Variants in CSMD1 observed in about 807,000 individuals in gnomAD.
CSMD1 encodes CUB and Sushi multiple domains 1, also known as CUB and sushi domain-containing protein 1.
In CSMD1, 213 loss-of-function variants were observed where a neutral mutation model predicts 417.5. The ratio of observed to expected loss-of-function variants is 0.51; its 90% CI spans 0.46 to 0.57. CSMD1 has a LOEUF of 0.57. CSMD1 is among the 20% of genes least tolerant of loss of function. The pLI, the probability that CSMD1 is intolerant of heterozygous loss-of-function variation, is 0.00. For missense variants in CSMD1, 6,923 were observed against 4,529.7 expected (o/e 1.53, Z -15.17); for synonymous variants, 2,862 against 1,736.8 (o/e 1.65, Z -16.11).
chr8:4,948,638 T>C (rs61266186), intron 1 of CSMD1, among the ~76,000 whole-genome samples: 10,573 of 152,158 alleles, frequency 0.069, 567 homozygotes, highest in East Asian at 0.23. Flanking sequence ...CACTGAAATA[T>C]AGTATTATAA....
intron 3 of CSMD1, among the ~76,000 whole-genome samples, chr8:4,183,841 C>A (rs935731300): frequency 6.6e-6 from 1 of 152,118 alleles, no homozygotes; most frequent in East Asian, 1.9e-4. Context: ...CCTGGATTGC[C>A]CACCTACCAC....
At chr8:3,387,261 T>A (rs1371108407) in intron 18 of CSMD1, among the ~76,000 whole-genome samples, 1 of 152,182 alleles carries the variant, frequency 6.6e-6, no homozygotes, top group Non-Finnish European at 1.5e-5. Flanking sequence ...CTCCCTAAGT[T>A]TGTTCATTCG....
intron 7 of CSMD1, among the ~76,000 whole-genome samples, chr8:3,633,048 G>C (rs927814295): frequency 1.3e-5 from 2 of 152,194 alleles, no homozygotes; most frequent in Admixed American, 6.5e-5. Context: ...TTTAGTGTTA[G>C]AGTCTGCCCT....
intron 7 of CSMD1, among the ~76,000 whole-genome samples, chr8:3,665,098 A>T (rs975856210): frequency 3.9e-5 from 6 of 152,232 alleles, no homozygotes; most frequent in African/African-American, 1.4e-4. Flanking sequence ...AGAGGTTAAC[A>T]ATGCTTATAA....
intron 30 of CSMD1, among the ~76,000 whole-genome samples, chr8:3,206,582 T>C (rs1369680140): frequency 8.1e-6 from 1 of 123,666 alleles, no homozygotes; most frequent in Non-Finnish European, 1.8e-5. Context: ...TGTGTGTGTA[T>C]GTGTGGGGGG....
At chr8:4,322,300 A>T (rs7017259) in intron 3 of CSMD1, among the ~76,000 whole-genome samples, 1,616 of 151,618 alleles carry the variant, frequency 0.011, 23 homozygotes, top group African/African-American at 0.037. Flanking sequence ...ATTTCATGTT[A>T]TCTGCATATT....
intron 26 of CSMD1, among the ~76,000 whole-genome samples, chr8:3,279,463 A>G (rs191444281): frequency 6.6e-6 from 1 of 152,310 alleles, no homozygotes; most frequent in East Asian, 1.9e-4. Context: ...CAGGCATTTC[A>G]TATGCTTGCC....
At chr8:3,047,552 G>A (rs1013286716) in intron 50 of CSMD1, among the ~76,000 whole-genome samples, 5 of 152,162 alleles carry the variant, frequency 3.3e-5, no homozygotes, top group Admixed American at 1.3e-4. Context: ...TCTCTGCCTC[G>A]CTGTGCCCAT....
At chr8:3,321,688 CAATGTG>C (rs936867444) in intron 23 of CSMD1, among the ~76,000 whole-genome samples, 6 of 150,974 alleles carry the variant, frequency 4.0e-5, no homozygotes. Context: ...TAATTCTAGA[CAATGTG>C]TCTGTAAGTG....
intron 18 of CSMD1, among the ~76,000 whole-genome samples, chr8:3,385,055 A>T (rs1444663570): frequency 9.5e-6 from 1 of 104,776 alleles, no homozygotes; most frequent in East Asian, 4.3e-4. Context: ...TAAATATATA[A>T]TATATAATAT....
intron 3 of CSMD1, among the ~76,000 whole-genome samples, chr8:4,110,544 AATTTTT>A (rs1463617887): frequency 6.6e-6 from 1 of 152,122 alleles, no homozygotes; most frequent in Non-Finnish European, 1.5e-5. Flanking sequence ...ATTTGTATTT[AATTTTT>A]AAACAATTTT....
At chr8:3,467,062 A>G (rs1435374414) in intron 12 of CSMD1, among the ~76,000 whole-genome samples, 2 of 152,204 alleles carry the variant, frequency 1.3e-5, no homozygotes, top group Non-Finnish European at 2.9e-5. Context: ...ATGAAAAGCC[A>G]TCTCAGGGTG....
chr8:3,689,272 G>C (rs74595249), intron 7 of CSMD1, among the ~76,000 whole-genome samples: 11 of 152,120 alleles, frequency 7.2e-5, no homozygotes, highest in Admixed American at 4.6e-4. Context: ...ACTTGCAGCT[G>C]AGCGTCAGGG....
intron 7 of CSMD1, among the ~76,000 whole-genome samples, chr8:3,664,914 C>A (rs530443103): frequency 1.3e-5 from 2 of 152,220 alleles, no homozygotes; most frequent in East Asian, 3.9e-4. Flanking sequence ...ATCACAATTT[C>A]TCAGGGTTTC....
At chr8:3,690,015 A>G (rs1436061596) in intron 7 of CSMD1, among the ~76,000 whole-genome samples, 1 of 152,256 alleles carries the variant, frequency 6.6e-6, no homozygotes, top group African/African-American at 2.4e-5. Context: ...GGTGGTCAGT[A>G]AATGGAGTTC....
intron 5 of CSMD1, among the ~76,000 whole-genome samples, chr8:3,858,047 G>A (rs1804437741): frequency 6.6e-6 from 1 of 152,216 alleles, no homozygotes; most frequent in Non-Finnish European, 1.5e-5. Context: ...GTGATTATGT[G>A]TTGATGGTTG....
chr8:3,492,046 A>T (rs1818408454), intron 11 of CSMD1, among the ~76,000 whole-genome samples: 1 of 152,190 alleles, frequency 6.6e-6, no homozygotes, highest in African/African-American at 2.4e-5. Flanking sequence ...GAAAAGGATT[A>T]ATCAGTGAAG....
chr8:4,724,520 A>ATGTGTG lies in CSMD1; in HGVS notation c.86-86968_86-86963dup, dbSNP rs66498850. ...TAATATAGTAGCTCTTTATATATAT[A>ATGTGTG]TGTGTGTGTGTGTGTGTGTGTGTGT... is the stretch of plus-strand genomic sequence containing the variant. On this transcript the variant is annotated intron_variant, in intron 1 of 69. Coordinates refer to ENST00000635120, the MANE Select transcript of CSMD1 (RefSeq NM_033225.6). Among the ~76,000 whole-genome samples, 205 of 145,308 alleles carry ATGTGTG rather than the reference A, an allele frequency of 1.4e-3. 1 individual carries two copies. The highest frequency in any genetic ancestry group is 4.3e-3 in the African/African-American group (167 of 38,790).
chr8:3,175,791 T>C (rs914955779), intron 37 of CSMD1, among the ~76,000 whole-genome samples: 5 of 152,236 alleles, frequency 3.3e-5, no homozygotes, highest in African/African-American at 1.2e-4. Flanking sequence ...ATTAGTATTA[T>C]ATCTTATGGA....
Sources: gnomAD v4.1 joint callset for allele counts (sites outside exome capture counted in the v4.1 genomes callset) on GRCh38, gnomAD v4.1.1 for gene constraint, MANE v1.5 for transcripts, NCBI Gene and HGNC (gene_info 2026-07-23, HGNC 2026-07-21) for gene names.